The following LANCL3 variants were observed in gnomAD, a reference collection of about 807,000 sequenced individuals.
LANCL3 encodes the protein lanC-like protein 3.
A neutral mutation model predicts 26.5 loss-of-function variants in LANCL3; 19 were observed. That is an observed-to-expected ratio of 0.72 (90% CI 0.50 to 1.05). LANCL3 has a LOEUF of 1.05. Ranked by LOEUF, LANCL3 falls within the 50% of genes least tolerant of loss-of-function variation. LANCL3 has a pLI of 0.00. For synonymous variants in LANCL3, 160 were observed against 166.6 expected, an observed-to-expected ratio of 0.96 and a Z score of 0.30; for missense variants, 318 against 362.7, an observed-to-expected ratio of 0.88 and a Z score of 1.00.
rs148686179 is a variant in LANCL3 at position 37,647,858 on chromosome X, C to T, written c.574-7830C>T. Among the ~76,000 whole-genome samples, 8 of 112,959 alleles carry T rather than the reference C, an allele frequency of 7.1e-5. No homozygotes were observed. In the East Asian group the frequency reaches 1.9e-3, roughly 27 times the overall value. ...GTAAAAATGTTTCCTTGGGCTCTAC[C>T]CACTTCCAAAAACGTGTTTGGGGTG... On this transcript the variant is annotated intron_variant, in intron 1 of 4. Coordinates refer to ENST00000378619, the MANE Select transcript of LANCL3 (RefSeq NM_001170331.2).
At chrX:37,651,816 T>G (rs1443604394) in intron 1 of LANCL3, among the ~76,000 whole-genome samples, 1 of 110,487 alleles carries the variant, frequency 9.1e-6, no homozygotes, top group Non-Finnish European at 1.9e-5. Flanking sequence ...GTGTTCTCAT[T>G]GTTCAATTCC....
At chrX:37,651,322 A>G (rs1926138172) in intron 1 of LANCL3, among the ~76,000 whole-genome samples, 1 of 112,056 alleles carries the variant, frequency 8.9e-6, no homozygotes, top group Admixed American at 9.4e-5. Flanking sequence ...TCCACAATGA[A>G]AAAAACCATT....
intron 1 of LANCL3, among the ~76,000 whole-genome samples, chrX:37,586,420 A>T (rs1440663103): frequency 1.8e-5 from 2 of 111,860 alleles, no homozygotes; most frequent in Non-Finnish European, 1.9e-5. Context: ...TCTCCCCATC[A>T]CTTTCAGGTA....
Position 37,572,371 on chromosome X carries a change from C to A in LANCL3, c.501C>A (p.Ser167=), listed in dbSNP as rs1322953771. ...CGGTCTCCTTCCTGGAGTGCGGCTCCGACGAGCTGTTCGTGGGCCGCGCGG... is the reference window on the plus strand; with the variant it reads ...CGGTCTCCTTCCTGGAGTGCGGCTCAGACGAGCTGTTCGTGGGCCGCGCGG... ...CAPVSFLECG[S]DELFVGRAGY... Residue 167 remains serine, a synonymous_variant, in exon 1 of 5, where the codon TCC becomes TCA. Coordinates refer to ENST00000378619, the MANE Select transcript of LANCL3 (RefSeq NM_001170331.2). 6.0e-6 allele frequency: 7 copies of A among 1,168,651 alleles called. No individual in the cohort carries two copies. Among genetic ancestry groups the A allele is most frequent in the Non-Finnish European group, 8.0e-6 (7 of 874,166 alleles).
In LANCL3 at chrX:37,676,386, CATTACCCTGGGCAATTTAAAGAA is replaced by C. The variant is rs1321214197; in HGVS notation, c.*576_*598del. ...TTTGCATATGAATCTCTATTTTTTT[CATTACCCTGGGCAATTTAAAGAA>C]ATCATATCATAGCGTAGTTCAGATA... On this transcript the variant is annotated 3_prime_UTR_variant, in exon 5 of 5. Coordinates refer to ENST00000378619, the MANE Select transcript of LANCL3 (RefSeq NM_001170331.2). 9.0e-6 allele frequency: 1 copy of C among 111,530 alleles called. No homozygotes were observed. Among genetic ancestry groups the C allele is most frequent in the Admixed American group, 9.5e-5 (1 of 10,510 alleles). The allele number at this position is 111,530 out of a possible 1,213,427, so 9.2% of individuals were successfully genotyped here.
chrX:37,624,153 C>T (rs1227873469), intron 1 of LANCL3, among the ~76,000 whole-genome samples: 1 of 111,271 alleles, frequency 9.0e-6, no homozygotes, highest in African/African-American at 3.3e-5. Context: ...TGCCAAATTG[C>T]CTTCCAAAGA....
chrX:37,601,097 G>A (rs1924563035), intron 1 of LANCL3, among the ~76,000 whole-genome samples: 1 of 111,884 alleles, frequency 8.9e-6, no homozygotes, highest in Non-Finnish European at 1.9e-5. Context: ...GGTGGGGGAA[G>A]AGTTGTCATG....
intron 1 of LANCL3, among the ~76,000 whole-genome samples, chrX:37,641,690 C>T (rs1925867257): frequency 8.9e-6 from 1 of 111,858 alleles, no homozygotes; most frequent in African/African-American, 3.2e-5. Flanking sequence ...GAAAAGATAT[C>T]TTTTCAGCTT....
chrX:37,673,127 C>T (rs1926721414), intron 4 of LANCL3, among the ~76,000 whole-genome samples: 1 of 111,424 alleles, frequency 9.0e-6, no homozygotes, highest in Non-Finnish European at 1.9e-5. Flanking sequence ...AAATATTTGA[C>T]ATAGAGTTCT....
intron 1 of LANCL3, among the ~76,000 whole-genome samples, chrX:37,640,143 C>A (rs1248698128): frequency 1.8e-5 from 2 of 112,117 alleles, no homozygotes; most frequent in Non-Finnish European, 3.8e-5. Flanking sequence ...ATTCAGACTA[C>A]CCCACTAGTA....
intron 1 of LANCL3, among the ~76,000 whole-genome samples, chrX:37,652,360 G>T (rs1298407053): frequency 1.8e-5 from 2 of 110,351 alleles, no homozygotes; most frequent in Admixed American, 1.9e-4. Flanking sequence ...TGACTTTCAG[G>T]CAGGGCCAAG....
chrX:37,583,861 A>G (rs1339500299), intron 1 of LANCL3, among the ~76,000 whole-genome samples: 1 of 111,729 alleles, frequency 9.0e-6, no homozygotes, highest in African/African-American at 3.3e-5. Context: ...TGTGTTGAAT[A>G]GGTGTGGTGA....
At chrX:37,617,303 A>G (rs1389366728) in intron 1 of LANCL3, among the ~76,000 whole-genome samples, 4 of 111,383 alleles carry the variant, frequency 3.6e-5, no homozygotes, top group African/African-American at 1.3e-4. Context: ...TGTTTCTCAC[A>G]TAAGTAGCCT....
chrX:37,668,077 C>G (rs1556434646), intron 4 of LANCL3, among the ~76,000 whole-genome samples: 2 of 109,293 alleles, frequency 1.8e-5, no homozygotes, highest in Non-Finnish European at 3.8e-5. Context: ...TTTGAAGGGT[C>G]AAATTTCTAA....
chrX:37,629,759 A>G (rs1225707048), intron 1 of LANCL3, among the ~76,000 whole-genome samples: 27 of 111,193 alleles, frequency 2.4e-4, no homozygotes, highest in Non-Finnish European at 4.9e-4. Context: ...AGATAGTTGT[A>G]GATATGTGGT....
Position 37,684,110 on chromosome X carries a change from G to C in LANCL3, c.*8297G>C, listed in dbSNP as rs1927001012. 8.9e-6 allele frequency: 1 copy of C among 112,039 alleles called. No individual in the cohort carries two copies. The highest frequency in any genetic ancestry group is 3.2e-5 in the African/African-American group (1 of 30,801). 9.2% of individuals were successfully genotyped at this position (112,039 alleles called of 1,213,427 possible). The stretch of plus-strand genomic sequence containing the variant: ...GCTTTTGTTATTGGTTGTTCTGCAG[G>C]GGATAGTACTAGTCAGTTGATATTG... On this transcript the variant is annotated 3_prime_UTR_variant, in exon 5 of 5. Transcript: ENST00000378619.
chrX:37,587,475 C>T lies in LANCL3; in HGVS notation c.573+15032C>T, dbSNP rs782145481. Among the ~76,000 whole-genome samples the T allele has an allele frequency of 9.7e-4, 110 of 112,878 alleles. 1 individual carries two copies. The South Asian group carries it at 0.038, about 39-fold the overall frequency. ...TGAGCTTCCTGGCCACTTTGTTTACCTCCTCAAGCCTTAGCAATGGCGGGC... is the reference window on the plus strand; with the variant it reads ...TGAGCTTCCTGGCCACTTTGTTTACTTCCTCAAGCCTTAGCAATGGCGGGC... On this transcript the variant is annotated intron_variant, in intron 1 of 4. Coordinates refer to ENST00000378619, the MANE Select transcript of LANCL3 (RefSeq NM_001170331.2).
At chrX:37,593,551 T>G (rs1179415373) in intron 1 of LANCL3, among the ~76,000 whole-genome samples, 2 of 112,367 alleles carry the variant, frequency 1.8e-5, no homozygotes, top group African/African-American at 6.5e-5. Flanking sequence ...ATTTTTTGCC[T>G]CAAAGGAGTT....
intron 1 of LANCL3, among the ~76,000 whole-genome samples, chrX:37,592,856 A>G (rs1924327402): frequency 8.9e-6 from 1 of 111,768 alleles, no homozygotes; most frequent in South Asian, 3.8e-4. Context: ...GCCAGATTTA[A>G]GAGACCCACC....
Sources: gnomAD v4.1 joint callset for allele counts (sites outside exome capture counted in the v4.1 genomes callset) on GRCh38, gnomAD v4.1.1 for gene constraint, MANE v1.5 for transcripts, NCBI Gene and HGNC (gene_info 2026-07-23, HGNC 2026-07-21) for gene names.